Variants in CIMAP3 observed in about 807,000 individuals in gnomAD.
The protein encoded by CIMAP3 is ciliary microtubule-associated protein 3.
At chr1:111,346,770 C>A in the CIMAP3 span, 1 of 1,558,778 alleles carries the variant, frequency 6.4e-7, no homozygotes, top group South Asian at 1.1e-5. Flanking sequence ...GTTCGCCCCC[C>A]TCCAGGAGTT....
the CIMAP3 span, chr1:111,347,097 AG>A: frequency 2.6e-6 from 4 of 1,522,200 alleles, no homozygotes; most frequent in Non-Finnish European, 3.5e-6. Flanking sequence ...CCGGCTATTG[AG>A]GGATAGCCAA....
At chr1:111,347,967 G>C in the CIMAP3 span, among the ~76,000 whole-genome samples, 1 of 152,346 alleles carries the variant, frequency 6.6e-6, no homozygotes, top group East Asian at 1.9e-4. Flanking sequence ...GCGTGTGAGT[G>C]TACCGGGGAG....
At chr1:111,351,166 G>GTTTTTT in the CIMAP3 span, 347 of 576,336 alleles carry the variant, frequency 6.0e-4, 1 homozygote, top group South Asian at 1.5e-3. Context: ...ATAATGTACA[G>GTTTTTT]TTTTTTTTTT....
chr1:111,348,667 T>G, the CIMAP3 span: 2 of 1,550,064 alleles, frequency 1.3e-6, no homozygotes, highest in Non-Finnish European at 1.7e-6. Context: ...TCCCTTTTGG[T>G]GCACTTCAAC....
At chr1:111,337,606 T>C in the CIMAP3 span, among the ~76,000 whole-genome samples, 4 of 152,204 alleles carry the variant, frequency 2.6e-5, no homozygotes, top group African/African-American at 9.7e-5. Flanking sequence ...AGAAGGCCGT[T>C]ACATAATGGT....
the CIMAP3 span, among the ~76,000 whole-genome samples, chr1:111,343,229 T>C: frequency 7.9e-3 from 1,205 of 152,348 alleles, 16 homozygotes; most frequent in African/African-American, 0.027. Flanking sequence ...TTGATTATTA[T>C]TTAATTCAAT....
At chr1:111,341,371 AT>A in the CIMAP3 span, among the ~76,000 whole-genome samples, 1 of 152,010 alleles carries the variant, frequency 6.6e-6, no homozygotes, top group African/African-American at 2.4e-5. Context: ...TAAAAAAAAA[AT>A]CTTTTAATCA....
chr1:111,351,342 C>T, the CIMAP3 span: 10 of 1,543,938 alleles, frequency 6.5e-6, no homozygotes, highest in Middle Eastern at 1.7e-4. Context: ...CTGTAACTAC[C>T]TTCACGTGCT....
At chr1:111,327,560 T>C in the CIMAP3 span, among the ~76,000 whole-genome samples, 1 of 152,298 alleles carries the variant, frequency 6.6e-6, no homozygotes, top group East Asian at 1.9e-4. Context: ...ATTCAGGGAA[T>C]TAATTTCTTC....
chr1:111,326,000 AG>A, the CIMAP3 span, among the ~76,000 whole-genome samples: 1 of 149,804 alleles, frequency 6.7e-6, no homozygotes, highest in African/African-American at 2.5e-5. Context: ...AAAGAGGAAG[AG>A]AGTGTAAACA....
the CIMAP3 span, among the ~76,000 whole-genome samples, chr1:111,345,475 G>A: frequency 6.6e-6 from 1 of 152,248 alleles, no homozygotes; most frequent in African/African-American, 2.4e-5. Context: ...GGGCAATGCA[G>A]TGTAGGATGT....
At chr1:111,335,555 A>AC in the CIMAP3 span, among the ~76,000 whole-genome samples, 1,204 of 152,368 alleles carry the variant, frequency 7.9e-3, 15 homozygotes, top group African/African-American at 0.027. Context: ...TATATCCAGC[A>AC]CTGGCTCAGA....
At chr1:111,337,673 C>G in the CIMAP3 span, among the ~76,000 whole-genome samples, 1 of 152,206 alleles carries the variant, frequency 6.6e-6, no homozygotes, top group Non-Finnish European at 1.5e-5. Flanking sequence ...GCACCCAATA[C>G]AGGAGCACCC....
the CIMAP3 span, among the ~76,000 whole-genome samples, chr1:111,337,842 T>G: frequency 1.3e-5 from 2 of 151,914 alleles, no homozygotes; most frequent in East Asian, 3.8e-4. Flanking sequence ...TGCACCAAGC[T>G]GACCTAATAG....
At chr1:111,346,795 A>G in the CIMAP3 span, 1 of 1,572,004 alleles carries the variant, frequency 6.4e-7, no homozygotes, top group Non-Finnish European at 8.7e-7. Flanking sequence ...GTGGTTTTGT[A>G]AGCGCACGGT....
chr1:111,330,356 C>T, the CIMAP3 span, among the ~76,000 whole-genome samples: 1 of 149,268 alleles, frequency 6.7e-6, no homozygotes, highest in Non-Finnish European at 1.5e-5. Context: ...ACAATCACTA[C>T]ACTTCTTTTC....
chr1:111,346,987 G>A, the CIMAP3 span: 1 of 1,613,988 alleles, frequency 6.2e-7, no homozygotes, highest in Admixed American at 1.7e-5. Flanking sequence ...GAATTTGATT[G>A]GGAACAAGTT....
At chr1:111,331,848 T>C in the CIMAP3 span, among the ~76,000 whole-genome samples, 1 of 152,166 alleles carries the variant, frequency 6.6e-6, no homozygotes, top group Non-Finnish European at 1.5e-5. Context: ...ATGCAGTAGG[T>C]TTCATAAATA....
the CIMAP3 span, among the ~76,000 whole-genome samples, chr1:111,345,369 A>T: frequency 6.6e-6 from 1 of 152,208 alleles, no homozygotes; most frequent in East Asian, 1.9e-4. Context: ...TTTCTTCACA[A>T]TGTTAATGTA....
Sources: gnomAD v4.1 joint callset for allele counts (sites outside exome capture counted in the v4.1 genomes callset) on GRCh38, gnomAD v4.1.1 for gene constraint, MANE v1.5 for transcripts, NCBI Gene and HGNC (gene_info 2026-07-23, HGNC 2026-07-21) for gene names.